The following PGM2 variants were observed in gnomAD, a reference collection of about 807,000 sequenced individuals.
The protein encoded by PGM2 is phosphoglucomutase 2.
In PGM2, 57 loss-of-function variants were observed where a neutral mutation model predicts 74.6. That is an observed-to-expected ratio of 0.76 (90% CI 0.62 to 0.95). PGM2 has a LOEUF of 0.95. Ranked by LOEUF, PGM2 falls within the 40% of genes least tolerant of loss-of-function variation. The pLI, the probability that PGM2 is intolerant of heterozygous loss-of-function variation, is 0.00. For synonymous variants in PGM2, 273 were observed against 260.7 expected, an observed-to-expected ratio of 1.05 and a Z score of -0.46; for missense variants, 706 against 741.9, an observed-to-expected ratio of 0.95 and a Z score of 0.56.
rs374419732 is a variant in PGM2, at chr4:37,845,740, A to G, written c.1007+10A>G. ...CAGAAAAGCAAGACAGGTAAAATTA[A>G]TTGTGATTACCTATATTATAGAACA... On this transcript the variant is annotated intron_variant, in intron 8 of 13. Coordinates refer to ENST00000381967, the MANE Select transcript of PGM2 (RefSeq NM_018290.4). 38 of 1,516,406 alleles carry G rather than the reference A, an allele frequency of 2.5e-5. 1 individual carries two copies. Among genetic ancestry groups the G allele is most frequent in the East Asian group, 2.0e-4 (9 of 44,478 alleles). The allele number at this position is 1,516,406 out of a possible 1,614,324, so 93.9% of individuals were successfully genotyped here. A position where few individuals can be genotyped will look rare whatever the true frequency, so the allele number is the denominator to read the frequency against.
intron 4 of PGM2, among the ~76,000 whole-genome samples, chr4:37,838,264 A>G (rs553425541): frequency 2.6e-5 from 4 of 152,282 alleles, no homozygotes; most frequent in African/African-American, 7.2e-5. Context: ...ATCTGAATTC[A>G]CCTCAAACCC....
At chr4:37,832,593 T>C (rs1470477229) in intron 2 of PGM2, among the ~76,000 whole-genome samples, 2 of 152,220 alleles carry the variant, frequency 1.3e-5, no homozygotes, top group African/African-American at 2.4e-5. Flanking sequence ...AGGTTATAAT[T>C]TCCTCCTGCC....
chr4:37,832,312 C>G (rs773347748), intron 2 of PGM2, among the ~76,000 whole-genome samples: 6 of 152,168 alleles, frequency 3.9e-5, no homozygotes, highest in Non-Finnish European at 5.9e-5. Flanking sequence ...AGAGGATTCC[C>G]AGAACAAACA....
intron 3 of PGM2, among the ~76,000 whole-genome samples, chr4:37,835,626 T>C (rs79272064): frequency 0.013 from 1,971 of 152,326 alleles, 24 homozygotes; most frequent in Non-Finnish European, 0.018. Flanking sequence ...ATATTGAATA[T>C]TAATGAAAAG....
rs185746638 is a variant in PGM2 at position 37,832,000 on chromosome 4, T to C, written c.249+1869T>C. Among the ~76,000 whole-genome samples, 3 of 152,362 alleles carry C rather than the reference T, an allele frequency of 2.0e-5. No individual in the cohort carries two copies. In the East Asian group the frequency reaches 5.8e-4, roughly 29 times the overall value. On this transcript the variant is annotated intron_variant, in intron 2 of 13. Coordinates refer to ENST00000381967, the MANE Select transcript of PGM2 (RefSeq NM_018290.4). ...TTCCCCTGTATTTTTCTATATCTAG[T>C]TTCTGAGAATAATGAAATGTATTCC...
At chr4:37,838,618 A>G (rs960565431) in intron 4 of PGM2, among the ~76,000 whole-genome samples, 14 of 152,230 alleles carry the variant, frequency 9.2e-5, no homozygotes, top group African/African-American at 3.4e-4. Flanking sequence ...GTGCACTGAC[A>G]GGTAGATGCA....
At chr4:37,835,071 G>A (rs1725531567) in intron 3 of PGM2, among the ~76,000 whole-genome samples, 1 of 152,114 alleles carries the variant, frequency 6.6e-6, no homozygotes, top group African/African-American at 2.4e-5. Flanking sequence ...ACGTCAAGCT[G>A]CATTTCTGAA....
intron 11 of PGM2, 90 bp from the exon 12 acceptor site, chr4:37,850,094 A>G (rs1361990539): frequency 1.2e-5 from 9 of 737,508 alleles, no homozygotes; most frequent in Non-Finnish European, 2.0e-5. Context: ...AGCCATATTT[A>G]TTTTAGAATA....
At chr4:37,845,260 G>A (rs755347726) in intron 7 of PGM2, among the ~76,000 whole-genome samples, 9 of 152,174 alleles carry the variant, frequency 5.9e-5, no homozygotes, top group Non-Finnish European at 1.2e-4. Context: ...TTAAAGGTTG[G>A]GGTAGCAGTG....
intron 12 of PGM2, 24 bp downstream of exon 12, chr4:37,850,397 A>G: frequency 1.5e-6 from 2 of 1,295,050 alleles, no homozygotes; most frequent in Non-Finnish European, 2.1e-6. Context: ...TCTCTTTTCA[A>G]CTAACCTCTT....
At position 37,848,648 on chromosome 4, in the gene PGM2, T is replaced by C. The variant is rs1238330411; in HGVS notation, c.1409T>C (p.Val470Ala). The C allele has an allele frequency of 6.2e-7, 1 of 1,611,912 alleles. No individual in the cohort carries two copies. Among genetic ancestry groups the C allele is most frequent in the South Asian group, 1.1e-5 (1 of 90,970 alleles). ...TCTCAGCAACTAAAGGCCATTTATG[T>C]GGAGTAAGTTGTTATTGACTCTGTT... ...SLSQQLKAIY[V>A]EYGYHITKAS... is the part of the protein sequence containing the mutation. The change falls in exon 11 of 14, where the codon GTG becomes GCG. Residue 470 changes from valine (V) to alanine (A), a missense_variant. By Grantham distance (64) the Val-to-Ala change is moderately conservative. Coordinates refer to ENST00000381967, the MANE Select transcript of PGM2 (RefSeq NM_018290.4).
intron 8 of PGM2, among the ~76,000 whole-genome samples, chr4:37,846,693 T>C (rs1285860869): frequency 2.0e-5 from 3 of 152,246 alleles, no homozygotes; most frequent in Non-Finnish European, 4.4e-5. Flanking sequence ...TTATACAGTC[T>C]TCAAAGACAG....
At chr4:37,833,205 A>G (rs926611676) in intron 2 of PGM2, among the ~76,000 whole-genome samples, 1 of 152,222 alleles carries the variant, frequency 6.6e-6, no homozygotes, top group Non-Finnish European at 1.5e-5. Context: ...AGCTAAAGGC[A>G]TTCTAAATTA....
At chr4:37,851,734 T>C (rs894677616) in intron 12 of PGM2, among the ~76,000 whole-genome samples, 8 of 152,202 alleles carry the variant, frequency 5.3e-5, no homozygotes, top group Non-Finnish European at 7.3e-5. Context: ...TTACAATTTG[T>C]TGACTTTCTA....
chr4:37,852,133 C>CTTTTTTTTTTTTT (rs778968323), intron 12 of PGM2, among the ~76,000 whole-genome samples: 8 of 47,258 alleles, frequency 1.7e-4, no homozygotes, highest in African/African-American at 6.5e-4. Context: ...ATGCCCAGCT[C>CTTTTTTTTTTTTT]TTTTTTTTTT....
chr4:37,855,825 A>C (rs903893689), intron 13 of PGM2, 84 bp downstream of exon 13: 3 of 1,131,800 alleles, frequency 2.7e-6, no homozygotes, highest in Admixed American at 5.5e-5. Context: ...GAAATGTTCC[A>C]TCTTTCTAAT....
intron 12 of PGM2, among the ~76,000 whole-genome samples, chr4:37,852,134 T>TC (rs1726059621): frequency 7.4e-5 from 3 of 40,618 alleles, no homozygotes; most frequent in Non-Finnish European, 1.6e-4. Flanking sequence ...TGCCCAGCTC[T>TC]TTTTTTTTTT....
Position 37,834,240 on chromosome 4 carries a change from A to AG in PGM2, c.250-371dup, listed in dbSNP as rs1384829948. On this transcript the variant is annotated intron_variant, in intron 2 of 13. Transcript: ENST00000381967. ...TCCTAGCTTCTCAGGAGGCTGAGGT[A>AG]GGGGGGGATTGCTTAAACCCAGGAA... 7.4e-4 allele frequency among the ~76,000 whole-genome samples: 54 copies of AG among 72,952 alleles called. No homozygotes were observed. In the African/African-American group the frequency reaches 9.1e-3, roughly 12 times the overall value. The allele number at this position is 72,952 out of a possible 152,430, so 47.9% of individuals were successfully genotyped here. A position where few individuals can be genotyped will look rare whatever the true frequency, so the allele number is the denominator to read the frequency against.
chr4:37,835,843 A>G (rs1343710723), intron 3 of PGM2, among the ~76,000 whole-genome samples: 1 of 152,234 alleles, frequency 6.6e-6, no homozygotes, highest in African/African-American at 2.4e-5. Flanking sequence ...GCAGCTCAAA[A>G]ATGTGCTTTT....
Sources: gnomAD v4.1 joint callset for allele counts (sites outside exome capture counted in the v4.1 genomes callset) on GRCh38, gnomAD v4.1.1 for gene constraint, MANE v1.5 for transcripts, NCBI Gene and HGNC (gene_info 2026-07-23, HGNC 2026-07-21) for gene names.